TTC6: variants seen among roughly 807,000 people sequenced by gnomAD.
TTC6 encodes tetratricopeptide repeat domain 6, also known as tetratricopeptide repeat protein 6.
In TTC6, 172 loss-of-function variants were observed where a neutral mutation model predicts 210.4. The observed-to-expected ratio is 0.82, with a 90% confidence interval of 0.72 to 0.93. The LOEUF is 0.93. Ranked by LOEUF, TTC6 falls within the 40% of genes least tolerant of loss-of-function variation. TTC6 has a pLI of 0.00. For missense variants in TTC6, 2,414 were observed against 2,318.1 expected, an observed-to-expected ratio of 1.04 and a Z score of -0.85; for synonymous variants, 804 against 819.6, an observed-to-expected ratio of 0.98 and a Z score of 0.32.
intron 1 of TTC6, among the ~76,000 whole-genome samples, chr14:37,632,076 G>A (rs958053582): frequency 1.3e-5 from 2 of 151,998 alleles, no homozygotes; most frequent in Non-Finnish European, 2.9e-5. Context: ...CTTTAGCTTG[G>A]AGGAGTTTGT....
intron 9 of TTC6, among the ~76,000 whole-genome samples, 156 bp from the exon 12 acceptor site, chr14:37,738,620 C>T (rs905447662): frequency 1.3e-5 from 2 of 152,146 alleles, no homozygotes; most frequent in East Asian, 3.8e-4. Context: ...ACTTTATCAG[C>T]TGACTTTTGA....
intron 7 of TTC6, among the ~76,000 whole-genome samples, chr14:37,728,821 A>T: frequency 6.6e-6 from 1 of 152,168 alleles, no homozygotes. Flanking sequence ...CACTAGTGGT[A>T]TGTGAATGCT....
Position 37,796,742 on chromosome 14 carries a change from A to C in TTC6, c.3869-45A>C, listed in dbSNP as rs562357498. 7.1e-6 allele frequency: 11 copies of C among 1,549,804 alleles called. No individual in the cohort carries two copies. The African/African-American group carries it at 1.5e-4, about 21-fold the overall frequency. ...CCTTAGAATAATTATATTCAAAATCATTGATACTTGGCAAAGATATTGATA... is the reference window on the plus strand; with the variant it reads ...CCTTAGAATAATTATATTCAAAATCCTTGATACTTGGCAAAGATATTGATA... On this transcript the variant is annotated intron_variant, in intron 19 of 30. Transcript: ENST00000553443.
chr14:37,742,829 A>G (rs1021823209), intron 10 of TTC6, among the ~76,000 whole-genome samples: 4 of 152,186 alleles, frequency 2.6e-5, no homozygotes, highest in African/African-American at 9.7e-5. Flanking sequence ...CCATATCCCA[A>G]CCTTCATTCA....
intron 1 of TTC6, among the ~76,000 whole-genome samples, chr14:37,603,202 G>T (rs1009043046): frequency 6.6e-6 from 1 of 152,202 alleles, no homozygotes; most frequent in African/African-American, 2.4e-5. Context: ...TGACCGCAGT[G>T]CTGCCGACCT....
chr14:37,727,807 T>C (rs2095876701), intron 7 of TTC6, among the ~76,000 whole-genome samples: 1 of 152,162 alleles, frequency 6.6e-6, no homozygotes, highest in African/African-American at 2.4e-5. Flanking sequence ...TAAAAACTCG[T>C]TGGAATTATT....
chr14:37,712,285 A>G (rs2095845840), intron 5 of TTC6, among the ~76,000 whole-genome samples: 2 of 152,202 alleles, frequency 1.3e-5, no homozygotes, highest in African/African-American at 4.8e-5. Flanking sequence ...AGAAAAGTAG[A>G]GCAGTGCTTC....
At chr14:37,795,718 C>T (rs533811663) in intron 18 of TTC6, among the ~76,000 whole-genome samples, 7 of 152,234 alleles carry the variant, frequency 4.6e-5, no homozygotes, top group African/African-American at 1.7e-4. Flanking sequence ...GTACTAAACA[C>T]AAACCTCTGC....
In TTC6 at chr14:37,826,198, C is replaced by T; in HGVS notation, c.4978C>T (p.Gln1660Ter). 5.7e-6 allele frequency: 9 copies of T among 1,574,976 alleles called. No individual in the cohort carries two copies. Among genetic ancestry groups the T allele is most frequent in the Non-Finnish European group, 7.8e-6 (9 of 1,156,514 alleles). ...TGTAATTGGAAAATTATTTTAGGCCCAAGGAAAATTCCAGAAAGCTTGGAA... is the reference window on the plus strand; with the variant it reads ...TGTAATTGGAAAATTATTTTAGGCCTAAGGAAAATTCCAGAAAGCTTGGAA... Residue 1660 changes from glutamine to a stop codon, truncating the protein, a stop_gained, in exon 28 of 31, where the codon CAA becomes TAA. Coordinates refer to ENST00000553443, the Ensembl canonical transcript of TTC6. LOFTEE classifies it high-confidence loss of function.
At chr14:37,659,245 G>A (rs903298725) in intron 1 of TTC6, among the ~76,000 whole-genome samples, 1 of 152,012 alleles carries the variant, frequency 6.6e-6, no homozygotes, top group Non-Finnish European at 1.5e-5. Flanking sequence ...ATGGACATTT[G>A]TGTGCATGTA....
intron 1 of TTC6, among the ~76,000 whole-genome samples, chr14:37,676,722 T>G (rs1460157042): frequency 2.0e-5 from 3 of 152,084 alleles, no homozygotes; most frequent in Admixed American, 1.3e-4. Flanking sequence ...ATTTGACCCA[T>G]TTTTAGTTAA....
chr14:37,792,261 TAGAAC>T lies in TTC6; in HGVS notation c.3558-2_3560del. 6.7e-7 allele frequency: 1 copy of T among 1,495,940 alleles called. No individual in the cohort carries two copies. Among genetic ancestry groups the T allele is most frequent in the Admixed American group, 2.5e-5 (1 of 39,756 alleles). The allele number at this position is 1,495,940 out of a possible 1,614,324, so 92.7% of individuals were successfully genotyped here. A position where few individuals can be genotyped will look rare whatever the true frequency, so the allele number is the denominator to read the frequency against. ...AAGATTTCACTTTCTCATTTTTTTT[TAGAAC>T]TATTACTTTGGCTTATGTAAATATT... On this transcript the variant is annotated splice_acceptor_variant and coding_sequence_variant, in exon 17 of 31. Transcript: ENST00000553443. LOFTEE classifies it high-confidence loss of function.
At chr14:37,814,550 T>A (rs1328200802) in intron 25 of TTC6, among the ~76,000 whole-genome samples, 3 of 152,230 alleles carry the variant, frequency 2.0e-5, no homozygotes, top group African/African-American at 7.2e-5. Context: ...AGTAGTTATA[T>A]TAAATGGAAA....
chr14:37,754,587 CA>C (rs2139057419), intron 14 of TTC6, among the ~76,000 whole-genome samples: 1 of 152,158 alleles, frequency 6.6e-6, no homozygotes, highest in African/African-American at 2.4e-5. Flanking sequence ...CATCTGCCAC[CA>C]CACCTGGCTA....
intron 10 of TTC6, among the ~76,000 whole-genome samples, chr14:37,748,519 T>A (rs1392923858): frequency 1.3e-5 from 2 of 152,218 alleles, no homozygotes; most frequent in African/African-American, 4.8e-5. Flanking sequence ...CAGTTGATAG[T>A]CTGGGGTGTA....
intron 2 of TTC6, among the ~76,000 whole-genome samples, chr14:37,607,617 CTTT>C (rs71433907): frequency 1.4e-5 from 2 of 140,222 alleles, no homozygotes; most frequent in African/African-American, 5.2e-5. Context: ...AGTATTTAGT[CTTT>C]TTTTTTTTTT....
At chr14:37,679,424 C>T (rs1865734003) in intron 1 of TTC6, among the ~76,000 whole-genome samples, 1 of 152,054 alleles carries the variant, frequency 6.6e-6, no homozygotes, top group South Asian at 2.1e-4. Context: ...GAGAGTATAT[C>T]ATTGCAATTG....
chr14:37,724,579 T>G (rs2095867983), intron 6 of TTC6, among the ~76,000 whole-genome samples: 1 of 152,190 alleles, frequency 6.6e-6, no homozygotes, highest in Non-Finnish European at 1.5e-5. Flanking sequence ...CATGCATGTG[T>G]GCAAGAATTT....
At chr14:37,608,549 C>T (rs977557438) in intron 2 of TTC6, among the ~76,000 whole-genome samples, 4 of 152,128 alleles carry the variant, frequency 2.6e-5, no homozygotes, top group Admixed American at 6.5e-5. Flanking sequence ...TCAAGTGATT[C>T]TATTGCCTTG....
Sources: gnomAD v4.1 joint callset for allele counts (sites outside exome capture counted in the v4.1 genomes callset) on GRCh38, gnomAD v4.1.1 for gene constraint, MANE v1.5 for transcripts, NCBI Gene and HGNC (gene_info 2026-07-23, HGNC 2026-07-21) for gene names.